The following CDH4 variants were observed in gnomAD, a reference collection of about 807,000 sequenced individuals.
CDH4 encodes the protein cadherin 4.
A neutral mutation model predicts 86.0 loss-of-function variants in CDH4; 33 were observed. The ratio of observed to expected loss-of-function variants is 0.38; its 90% CI spans 0.29 to 0.51. CDH4 has a LOEUF of 0.51. CDH4 is among the 20% of genes least tolerant of loss of function. The probability of loss-of-function intolerance (pLI) is 0.86; values close to 1 mark genes in which losing one functional copy is unlikely to be tolerated. For missense variants in CDH4, 1,114 were observed against 1,307.4 expected, an observed-to-expected ratio of 0.85 and a Z score of 2.28; for synonymous variants, 555 against 549.4, an observed-to-expected ratio of 1.01 and a Z score of -0.14.
intron 5 of CDH4, among the ~76,000 whole-genome samples, chr20:61,845,904 G>A (rs1406877068): frequency 6.6e-6 from 1 of 152,244 alleles, no homozygotes; most frequent in African/African-American, 2.4e-5. Context: ...TTGTTTTGGG[G>A]TTCATTCATT....
intron 2 of CDH4, among the ~76,000 whole-genome samples, chr20:61,421,390 A>G (rs1600962713): frequency 6.6e-6 from 1 of 152,244 alleles, no homozygotes; most frequent in East Asian, 1.9e-4. Context: ...TGAAGTGCAT[A>G]GACGTAATTT....
chr20:61,629,747 G>A (rs776952727), intron 2 of CDH4, among the ~76,000 whole-genome samples: 20 of 152,166 alleles, frequency 1.3e-4, no homozygotes, highest in Admixed American at 5.9e-4. Context: ...ACTGTCCCAC[G>A]CGGCTCCCTG....
chr20:61,608,651 T>A (rs1261341375), intron 2 of CDH4, among the ~76,000 whole-genome samples: 1 of 152,236 alleles, frequency 6.6e-6, no homozygotes, highest in Non-Finnish European at 1.5e-5. Context: ...CCCCTGGTTT[T>A]GTTCAGAAAG....
At chr20:61,493,437 C>T (rs141803686) in intron 2 of CDH4, among the ~76,000 whole-genome samples, 206 of 152,290 alleles carry the variant, frequency 1.4e-3, no homozygotes, top group Non-Finnish European at 2.1e-3. Context: ...CCTCTGTTGC[C>T]CCATAAAAAT....
intron 3 of CDH4, among the ~76,000 whole-genome samples, chr20:61,744,194 CTG>C (rs1216212871): frequency 6.6e-6 from 1 of 152,114 alleles, no homozygotes; most frequent in African/African-American, 2.4e-5. Flanking sequence ...CAAGCGGAGA[CTG>C]TGTGGTTGGA....
chr20:61,876,546 C>T (rs1291678466), intron 7 of CDH4, among the ~76,000 whole-genome samples: 3 of 152,144 alleles, frequency 2.0e-5, no homozygotes, highest in African/African-American at 2.4e-5. Context: ...GGGTTCTAGA[C>T]GTGCAGACGC....
intron 4 of CDH4, among the ~76,000 whole-genome samples, chr20:61,834,184 G>A (rs1308701507): frequency 6.6e-6 from 1 of 152,250 alleles, no homozygotes; most frequent in East Asian, 1.9e-4. Flanking sequence ...AGCCAGGGCT[G>A]ACGGCAACCT....
At chr20:61,686,636 CGTGTGCATTCGCGT>C (rs967055724) in intron 2 of CDH4, among the ~76,000 whole-genome samples, 77 of 139,146 alleles carry the variant, frequency 5.5e-4, no homozygotes, top group African/African-American at 1.4e-3. Flanking sequence ...TGCACATTCT[CGTGTGCATTCGCGT>C]GTGTGCATTC....
chr20:61,793,005 C>G (rs6142683), intron 4 of CDH4, among the ~76,000 whole-genome samples: 14,866 of 151,380 alleles, frequency 0.098, 1,562 homozygotes, highest in African/African-American at 0.26. Flanking sequence ...CTCTGTTGCC[C>G]AGGCTGGAGT....
chr20:61,499,456 A>G, intron 2 of CDH4: 1 of 1,289,064 alleles, frequency 7.8e-7, no homozygotes, highest in South Asian at 1.2e-5. Flanking sequence ...CTGTGACTTC[A>G]TTCTCAGCGC....
chr20:61,679,891 C>G (rs766489012), intron 2 of CDH4, among the ~76,000 whole-genome samples: 1 of 152,230 alleles, frequency 6.6e-6, no homozygotes, highest in Non-Finnish European at 1.5e-5. Context: ...AGGCTCTTCA[C>G]CAGGTTCTCA....
chr20:61,420,279 G>A (rs1392218638), intron 2 of CDH4, among the ~76,000 whole-genome samples: 1 of 152,346 alleles, frequency 6.6e-6, no homozygotes, highest in East Asian at 1.9e-4. Context: ...CAGCACCGGG[G>A]CCTGGAAAGG....
At chr20:61,307,903 G>C (rs918657462) in intron 2 of CDH4, among the ~76,000 whole-genome samples, 7 of 152,204 alleles carry the variant, frequency 4.6e-5, no homozygotes, top group Admixed American at 6.5e-5. Flanking sequence ...AATGTGCCAG[G>C]CTTGATTTGT....
At chr20:61,730,598 C>A (rs76330186) in intron 2 of CDH4, among the ~76,000 whole-genome samples, 8 of 152,236 alleles carry the variant, frequency 5.3e-5, no homozygotes, top group Admixed American at 2.0e-4. Flanking sequence ...GTGCCAGAGA[C>A]CCCGGTGAGG....
chr20:61,307,628 C>T (rs776485762), intron 2 of CDH4, among the ~76,000 whole-genome samples: 4 of 152,236 alleles, frequency 2.6e-5, no homozygotes, highest in African/African-American at 9.6e-5. Context: ...GAATCTGTAG[C>T]TACTGGCTTC....
At chr20:61,809,588 C>G in intron 4 of CDH4, among the ~76,000 whole-genome samples, 1 of 152,148 alleles carries the variant, frequency 6.6e-6, no homozygotes, top group East Asian at 1.9e-4. Context: ...AGGCTGTGAG[C>G]ACACAAGGCA....
intron 2 of CDH4, among the ~76,000 whole-genome samples, chr20:61,331,482 C>T (rs2084572265): frequency 6.6e-6 from 1 of 151,686 alleles, no homozygotes. Context: ...TTCTGTTCCT[C>T]ACACTTGTCC....
intron 2 of CDH4, among the ~76,000 whole-genome samples, chr20:61,577,391 A>G (rs943449689): frequency 6.7e-6 from 1 of 149,368 alleles, no homozygotes; most frequent in African/African-American, 2.5e-5. Flanking sequence ...ATGTTTGTAT[A>G]TTGAAGGATG....
At chr20:61,467,572 C>T (rs2085479712) in intron 2 of CDH4, among the ~76,000 whole-genome samples, 1 of 152,178 alleles carries the variant, frequency 6.6e-6, no homozygotes, top group African/African-American at 2.4e-5. Flanking sequence ...TAATATGTCC[C>T]CTTCCATCCC....
Sources: gnomAD v4.1 joint callset for allele counts (sites outside exome capture counted in the v4.1 genomes callset) on GRCh38, gnomAD v4.1.1 for gene constraint, MANE v1.5 for transcripts, NCBI Gene and HGNC (gene_info 2026-07-23, HGNC 2026-07-21) for gene names.